ITPK1: variants seen among roughly 807,000 people sequenced by gnomAD.
ITPK1 encodes inositol-tetrakisphosphate 1-kinase.
ITPK1 carries 21 observed loss-of-function variants against 45.3 expected under a neutral mutation model. The observed-to-expected ratio is 0.46, with a 90% confidence interval of 0.33 to 0.67. ITPK1 has a LOEUF of 0.67. Among genes scored for constraint, ITPK1 ranks in the 30% least tolerant of loss-of-function variants. The pLI, the probability that ITPK1 is intolerant of heterozygous loss-of-function variation, is 0.02. For synonymous variants in ITPK1, 258 were observed against 253.6 expected (o/e 1.02, Z -0.16); for missense variants, 474 against 573.5 (o/e 0.83, Z 1.77).
intron 4 of ITPK1, among the ~76,000 whole-genome samples, chr14:93,000,958 A>G (rs368752714): frequency 5.5e-5 from 8 of 144,318 alleles, no homozygotes; most frequent in African/African-American, 2.1e-4. Context: ...CCTGAGAGAT[A>G]AAGTGAGACT....
In ITPK1 at chr14:92,936,917, G is replaced by C. The variant is rs1349800393; in HGVS notation, c.*4644C>G. 1 of 152,180 alleles carries C rather than the reference G, an allele frequency of 6.6e-6. No homozygotes were observed. Among genetic ancestry groups the C allele is most frequent in the Admixed American group, 6.5e-5 (1 of 15,284 alleles). 9.4% of individuals were successfully genotyped at this position (152,180 alleles called of 1,614,324 possible). On this transcript the variant is annotated 3_prime_UTR_variant, in exon 11 of 11. Coordinates refer to ENST00000267615, the MANE Select transcript of ITPK1 (RefSeq NM_014216.6). ...AAGCACAGAAGGACACCCTCCGAAC[G>C]GCTGGCGCTATTGTTTATTTCTTCA... is the stretch of plus-strand genomic sequence containing the variant.
intron 3 of ITPK1, among the ~76,000 whole-genome samples, chr14:93,055,748 A>G (rs1890192930): frequency 6.6e-6 from 1 of 152,154 alleles, no homozygotes; most frequent in South Asian, 2.1e-4. Context: ...GTCAGGCCTC[A>G]GGTAGAAACT....
At chr14:93,005,410 A>T (rs1163383558) in intron 4 of ITPK1, among the ~76,000 whole-genome samples, 1 of 152,218 alleles carries the variant, frequency 6.6e-6, no homozygotes, top group African/African-American at 2.4e-5. Flanking sequence ...TTGAGAACAC[A>T]GCACCAGACA....
At chr14:93,074,000 C>A (rs1232003512) in intron 3 of ITPK1, among the ~76,000 whole-genome samples, 1 of 152,216 alleles carries the variant, frequency 6.6e-6, no homozygotes, top group Non-Finnish European at 1.5e-5. Flanking sequence ...CAAACACCCC[C>A]AGCTCCCAGG....
intron 2 of ITPK1, among the ~76,000 whole-genome samples, chr14:93,080,469 G>C (rs1891390909): frequency 6.6e-6 from 1 of 152,228 alleles, no homozygotes; most frequent in South Asian, 2.1e-4. Flanking sequence ...CAGAGCTCAG[G>C]ATGTATCATG....
intron 9 of ITPK1, among the ~76,000 whole-genome samples, chr14:92,947,443 G>C (rs576477489): frequency 1.3e-5 from 2 of 152,252 alleles, no homozygotes; most frequent in Non-Finnish European, 2.9e-5. Flanking sequence ...AGGCCTCCAA[G>C]GAAGTGGGGC....
chr14:93,111,182 GTCATGTGCCT>G (rs2140039725), intron 2 of ITPK1, among the ~76,000 whole-genome samples: 1 of 152,240 alleles, frequency 6.6e-6, no homozygotes, highest in African/African-American at 2.4e-5. Flanking sequence ...GCTTCACCAA[GTCATGTGCCT>G]CTTCCGCCCC....
At chr14:93,039,462 G>A (rs1889467345) in intron 3 of ITPK1, among the ~76,000 whole-genome samples, 1 of 152,144 alleles carries the variant, frequency 6.6e-6, no homozygotes, top group South Asian at 2.1e-4. Context: ...GGGCAACACA[G>A]CAAGACCCCT....
Position 92,941,159 on chromosome 14 carries a change from C to T in ITPK1, c.*402G>A. On this transcript the variant is annotated 3_prime_UTR_variant, in exon 11 of 11. Transcript: ENST00000267615. ...CATGCACCGATCAGCCTCCCACAGCCCGACATGGGCAGGCTTCCCCCAAGG... is the reference window on the plus strand; with the variant it reads ...CATGCACCGATCAGCCTCCCACAGCTCGACATGGGCAGGCTTCCCCCAAGG... 1 of 1,212,074 alleles carries T rather than the reference C, an allele frequency of 8.3e-7. No individual in the cohort carries two copies. Among genetic ancestry groups the T allele is most frequent in the Non-Finnish European group, 1.0e-6 (1 of 961,246 alleles). 75.1% of individuals were successfully genotyped at this position (1,212,074 alleles called of 1,614,324 possible). A position where few individuals can be genotyped will look rare whatever the true frequency, so the allele number is the denominator to read the frequency against.
chr14:92,994,323 G>A (rs1007330558), intron 4 of ITPK1, among the ~76,000 whole-genome samples: 2 of 152,172 alleles, frequency 1.3e-5, no homozygotes, highest in African/African-American at 2.4e-5. Context: ...TGGGAGTGGC[G>A]GCCCCATGCC....
intron 2 of ITPK1, among the ~76,000 whole-genome samples, chr14:93,104,038 TCCTATCATTTGG>T (rs1281723392): frequency 6.6e-6 from 1 of 151,978 alleles, no homozygotes; most frequent in Non-Finnish European, 1.5e-5. Context: ...GGAGGGGGAA[TCCTATCATTTGG>T]CCCTAGGGCG....
At chr14:93,097,615 G>A (rs761531802) in intron 2 of ITPK1, among the ~76,000 whole-genome samples, 6 of 152,214 alleles carry the variant, frequency 3.9e-5, no homozygotes, top group East Asian at 1.9e-4. Context: ...ATCAATAACT[G>A]ATAAAAACTT....
intron 3 of ITPK1, among the ~76,000 whole-genome samples, chr14:93,018,785 A>G (rs1888321841): frequency 6.6e-6 from 1 of 152,154 alleles, no homozygotes; most frequent in African/African-American, 2.4e-5. Context: ...CCCTGCTGCA[A>G]AGACCAGGAC....
chr14:92,974,735 G>GCTGAAGGCA (rs1236802415), intron 5 of ITPK1, among the ~76,000 whole-genome samples: 2 of 152,264 alleles, frequency 1.3e-5, no homozygotes, highest in African/African-American at 4.8e-5. Context: ...GGAACTCAGA[G>GCTGAAGGCA]CTGAAGGCAC....
intron 4 of ITPK1, among the ~76,000 whole-genome samples, chr14:92,994,464 A>G (rs1886950891): frequency 6.6e-6 from 1 of 152,190 alleles, no homozygotes; most frequent in Admixed American, 6.5e-5. Context: ...AACACTCCTC[A>G]AGTACTCCAC....
chr14:92,943,256 T>C (rs1443839213), intron 10 of ITPK1, among the ~76,000 whole-genome samples: 2 of 152,214 alleles, frequency 1.3e-5, no homozygotes, highest in African/African-American at 4.8e-5. Flanking sequence ...ATGACGTCCA[T>C]GGCGTTCACA....
At chr14:93,040,009 C>T (rs1209102693) in intron 3 of ITPK1, among the ~76,000 whole-genome samples, 2 of 152,258 alleles carry the variant, frequency 1.3e-5, no homozygotes, top group East Asian at 3.8e-4. Flanking sequence ...GTGCTCCTGC[C>T]AGCCCCTGCT....
chr14:93,092,703 G>A (rs1397736236), intron 2 of ITPK1, among the ~76,000 whole-genome samples: 1 of 152,234 alleles, frequency 6.6e-6, no homozygotes, highest in East Asian at 1.9e-4. Context: ...CAGCTGTGGG[G>A]AACCCAGCCA....
intron 2 of ITPK1, among the ~76,000 whole-genome samples, chr14:93,107,679 C>T (rs1052729610): frequency 2.6e-5 from 4 of 152,152 alleles, no homozygotes; most frequent in African/African-American, 9.7e-5. Context: ...GTCTGGAGCT[C>T]CCTTGTGAGA....
Sources: allele counts gnomAD v4.1 joint callset (sites outside exome capture counted in the v4.1 genomes callset), GRCh38; gene constraint gnomAD v4.1.1; transcripts MANE v1.5; gene names NCBI Gene and HGNC (gene_info 2026-07-23, HGNC 2026-07-21).